PTPRO: variants seen among roughly 807,000 people sequenced by gnomAD.
The protein encoded by PTPRO is protein tyrosine phosphatase receptor type O.
Under a neutral mutation model 145.2 loss-of-function variants are expected in PTPRO, and 62 were observed. The ratio of observed to expected loss-of-function variants is 0.43; its 90% CI spans 0.35 to 0.53. The LOEUF is 0.53. Among genes scored for constraint, PTPRO ranks in the 20% least tolerant of loss-of-function variants. PTPRO has a pLI of 0.01. For synonymous variants in PTPRO, 565 were observed against 514.7 expected, an observed-to-expected ratio of 1.10 and a Z score of -1.32; for missense variants, 1,345 against 1,482.7, an observed-to-expected ratio of 0.91 and a Z score of 1.53.
At chr12:15,513,912 G>T (rs1218587044) in intron 7 of PTPRO, among the ~76,000 whole-genome samples, 1 of 152,098 alleles carries the variant, frequency 6.6e-6, no homozygotes, top group Non-Finnish European at 1.5e-5. Flanking sequence ...AAACCCCCAT[G>T]CTAATAATGA....
intron 1 of PTPRO, among the ~76,000 whole-genome samples, chr12:15,391,813 G>A (rs1939196113): frequency 6.6e-6 from 1 of 152,198 alleles, no homozygotes; most frequent in African/African-American, 2.4e-5. Flanking sequence ...TTGTGGGGAT[G>A]GGGAGCACAG....
chr12:15,480,196 T>C (rs1941749129), intron 1 of PTPRO, among the ~76,000 whole-genome samples: 1 of 152,226 alleles, frequency 6.6e-6, no homozygotes. Flanking sequence ...ATTATGAGCA[T>C]ACTTTTAGTT....
Position 15,524,842 on chromosome 12 carries a change from G to A in PTPRO, c.1920G>A (p.Val640=). ...TAPVAPEITS[V]EYFNSLLYIS... The stretch of plus-strand genomic sequence containing the variant: ...CAGTGGCTCCGGAAATCACTTCTGT[G>A]GAATATTTCAACAGTCTGTTATATA... The change falls in exon 11 of 27, where the codon GTG becomes GTA. Residue 640 remains valine (V), a synonymous_variant. Transcript: ENST00000281171. The A allele has an allele frequency of 1.2e-6, 2 of 1,613,356 alleles. No individual in the cohort carries two copies. The highest frequency in any genetic ancestry group is 1.7e-6 in the Non-Finnish European group (2 of 1,179,420).
Position 15,551,428 on chromosome 12 carries a change from T to G in PTPRO, c.2438-123T>G, listed in dbSNP as rs1307393743. 4 of 1,258,536 alleles carry G rather than the reference T, an allele frequency of 3.2e-6. No individual in the cohort carries two copies. In the East Asian group the frequency reaches 9.4e-5, roughly 30 times the overall value. 78.0% of individuals were successfully genotyped at this position (1,258,536 alleles called of 1,614,324 possible). The stretch of plus-strand genomic sequence containing the variant: ...TCATTGCTGGCTTGGGGAACATGAT[T>G]GTTACTATTATTGGTATCATCGTAA... On this transcript the variant is annotated intron_variant, in intron 14 of 26. Transcript: ENST00000281171.
intron 1 of PTPRO, among the ~76,000 whole-genome samples, chr12:15,460,823 A>G (rs1412887778): frequency 2.6e-5 from 4 of 152,154 alleles, no homozygotes; most frequent in Non-Finnish European, 5.9e-5. Flanking sequence ...TTCCTCATGT[A>G]TATTAAGAAG....
intron 23 of PTPRO, among the ~76,000 whole-genome samples, chr12:15,582,364 G>A (rs1309647862): frequency 6.6e-6 from 1 of 152,262 alleles, no homozygotes; most frequent in Non-Finnish European, 1.5e-5. Flanking sequence ...CACCAGGGAA[G>A]TGCTGGGAGA....
At chr12:15,536,168 C>T (rs1449369402) in intron 12 of PTPRO, among the ~76,000 whole-genome samples, 1 of 152,026 alleles carries the variant, frequency 6.6e-6, no homozygotes, top group Admixed American at 6.6e-5. Flanking sequence ...AAATGTCAAC[C>T]CTCATTCTAA....
chr12:15,513,108 AAAGGAAGG>A (rs368163582), intron 7 of PTPRO, among the ~76,000 whole-genome samples: 19,004 of 50,526 alleles, frequency 0.38, 3,861 homozygotes, highest in East Asian at 0.53. Context: ...AGAAAGAAAG[AAAGGAAGG>A]AAGGAAGGAA....
chr12:15,466,933 AC>A, intron 1 of PTPRO, among the ~76,000 whole-genome samples: 1 of 152,320 alleles, frequency 6.6e-6, no homozygotes, highest in Non-Finnish European at 1.5e-5. Flanking sequence ...CTATGTTAAT[AC>A]ATAGGCTTTG....
chr12:15,349,822 G>C (rs1436701081), intron 1 of PTPRO, among the ~76,000 whole-genome samples: 1 of 152,130 alleles, frequency 6.6e-6, no homozygotes, highest in African/African-American at 2.4e-5. Flanking sequence ...AATTAACTAA[G>C]CTTATTATTG....
chr12:15,538,379 C>G (rs1240192945), intron 12 of PTPRO, among the ~76,000 whole-genome samples: 1 of 152,086 alleles, frequency 6.6e-6, no homozygotes, highest in Non-Finnish European at 1.5e-5. Context: ...TGCGCACCAC[C>G]ACGCCTGGCT....
chr12:15,478,687 T>C (rs1941711546), intron 1 of PTPRO, among the ~76,000 whole-genome samples: 1 of 152,088 alleles, frequency 6.6e-6, no homozygotes, highest in African/African-American at 2.4e-5. Context: ...TTTTTTTTTC[T>C]TTGAGACAGA....
rs1424010991 is a variant in PTPRO at position 15,486,919 on chromosome 12, T to A, written c.349+2672T>A. Among the ~76,000 whole-genome samples the A allele has an allele frequency of 2.0e-5, 3 of 151,928 alleles. No individual in the cohort carries two copies. The East Asian group carries it at 5.8e-4, about 29-fold the overall frequency. ...GCTGTCAGGTAGAACAGGGAGTGAG[T>A]CGATCTAGTCAATAGTTGAGCTGGG... is the stretch of plus-strand genomic sequence containing the variant. On this transcript the variant is annotated intron_variant, in intron 2 of 26. Transcript: ENST00000281171.
intron 1 of PTPRO, among the ~76,000 whole-genome samples, chr12:15,381,041 A>G (rs1938845860): frequency 6.6e-6 from 1 of 152,214 alleles, no homozygotes; most frequent in Admixed American, 6.5e-5. Context: ...CTAGTACATC[A>G]TAGGCTGATA....
In PTPRO at chr12:15,358,505, G is replaced by C. The variant is rs575553690; in HGVS notation, c.75+35704G>C. ...TCCCCCACGTCTCTATGCATTTCAGGCAGACCTTCAACCACGACCTGATAT... is the reference window on the plus strand; with the variant it reads ...TCCCCCACGTCTCTATGCATTTCAGCCAGACCTTCAACCACGACCTGATAT... On this transcript the variant is annotated intron_variant, in intron 1 of 26. Transcript: ENST00000281171. Among the ~76,000 whole-genome samples, 188 of 152,176 alleles carry C rather than the reference G, an allele frequency of 1.2e-3. 3 individuals carry two copies. In the South Asian group the frequency reaches 0.014, roughly 11 times the overall value.
intron 12 of PTPRO, among the ~76,000 whole-genome samples, chr12:15,540,175 A>G (rs1943152574): frequency 1.3e-5 from 2 of 152,184 alleles, no homozygotes; most frequent in African/African-American, 4.8e-5. Context: ...TATTTCACCA[A>G]CTTGAGCATA....
At chr12:15,386,158 A>T (rs954505798) in intron 1 of PTPRO, among the ~76,000 whole-genome samples, 5 of 152,204 alleles carry the variant, frequency 3.3e-5, no homozygotes, top group East Asian at 3.9e-4. Context: ...ACACAAAAAA[A>T]TAAGGAAACA....
chr12:15,399,492 G>A (rs951663761), intron 1 of PTPRO, among the ~76,000 whole-genome samples: 9 of 152,250 alleles, frequency 5.9e-5, no homozygotes, highest in African/African-American at 2.2e-4. Context: ...ATAAAATCTG[G>A]CTTCTCATAG....
chr12:15,516,769 C>T lies in PTPRO; in HGVS notation c.1592C>T (p.Thr531Ile). 1 of 1,606,546 alleles carries T rather than the reference C, an allele frequency of 6.2e-7. No homozygotes were observed. ...CCTGCCCTCTTCTTTCTAGTTCCCA[C>T]AGGAATAAAGGATTTAATGCTCTAT... ...SDPVTFAIVP[T>I]GIKDLMLYPL... Residue 531 changes from threonine to isoleucine, a missense_variant, in exon 9 of 27, where the codon ACA (threonine) becomes ATA (isoleucine). By Grantham distance (89) the Thr-to-Ile change is moderately conservative (BLOSUM62 -1). Transcript: ENST00000281171.
Sources: gnomAD v4.1 joint callset for allele counts (sites outside exome capture counted in the v4.1 genomes callset) on GRCh38, gnomAD v4.1.1 for gene constraint, MANE v1.5 for transcripts, NCBI Gene and HGNC (gene_info 2026-07-23, HGNC 2026-07-21) for gene names.